The following BICC1 variants were observed in gnomAD, a reference collection of about 807,000 sequenced individuals.
The protein encoded by BICC1 is BicC family RNA binding protein 1.
A neutral mutation model predicts 111.0 loss-of-function variants in BICC1; 43 were observed. The observed-to-expected ratio is 0.39, with a 90% confidence interval of 0.30 to 0.50. The LOEUF (loss-of-function observed/expected upper bound fraction) is 0.50, where lower values mean the gene tolerates loss of function less well. Among genes scored for constraint, BICC1 ranks in the 20% least tolerant of loss-of-function variants. BICC1 has a pLI of 0.88. For missense variants in BICC1, 1,091 were observed against 1,203.2 expected, an observed-to-expected ratio of 0.91 and a Z score of 1.38; for synonymous variants, 467 against 434.4, an observed-to-expected ratio of 1.07 and a Z score of -0.93.
rs763520535 is a variant in BICC1 at position 58,788,375 on chromosome 10, T to G, written c.552T>G (p.Ser184=). ...NNQAEKSNQV[S]IAGQPAGVES... ...GTATTTTCCTCCTCTTATAGGTATC[T>G]ATAGCGGGACAACCAGCAGGAGTAG... The change falls in exon 6 of 21, where the codon TCT becomes TCG. Residue 184 remains serine, a synonymous_variant. Coordinates refer to ENST00000373886, the MANE Select transcript of BICC1 (RefSeq NM_001080512.3). 1.9e-6 allele frequency: 3 copies of G among 1,608,734 alleles called. No individual in the cohort carries two copies. The South Asian group carries it at 3.3e-5, about 18-fold the overall frequency.
intron 2 of BICC1, among the ~76,000 whole-genome samples, chr10:58,685,438 CATT>C (rs989075772): frequency 6.6e-5 from 10 of 152,240 alleles, no homozygotes; most frequent in African/African-American, 2.4e-4. Flanking sequence ...CTTTTTGTCT[CATT>C]GTTGTGTCTA....
chr10:58,783,479 G>A (rs1049001906), intron 3 of BICC1, among the ~76,000 whole-genome samples: 2 of 151,840 alleles, frequency 1.3e-5, no homozygotes, highest in African/African-American at 4.8e-5. Context: ...GTGGGATGGG[G>A]GTGGGAGATC....
At chr10:58,736,067 G>A (rs1564582879) in intron 3 of BICC1, among the ~76,000 whole-genome samples, 1 of 152,188 alleles carries the variant, frequency 6.6e-6, no homozygotes, top group Non-Finnish European at 1.5e-5. Context: ...TGAGAGAGCA[G>A]CAGGACAGAG....
intron 1 of BICC1, among the ~76,000 whole-genome samples, chr10:58,518,592 G>T (rs57256819): frequency 1.4e-3 from 108 of 77,314 alleles, no homozygotes; most frequent in African/African-American, 1.8e-3. Context: ...GTGTGTGTTG[G>T]GGGGGGGGGG....
intron 2 of BICC1, among the ~76,000 whole-genome samples, chr10:58,667,622 TA>T (rs1274671853): frequency 6.6e-6 from 1 of 152,060 alleles, no homozygotes; most frequent in Non-Finnish European, 1.5e-5. Flanking sequence ...TGAAATTGGA[TA>T]AAGGCAAAGG....
chr10:58,565,576 G>A (rs1326729852), intron 1 of BICC1, among the ~76,000 whole-genome samples: 5 of 152,090 alleles, frequency 3.3e-5, no homozygotes, highest in African/African-American at 7.2e-5. Context: ...TGCCCTGGGC[G>A]GACAGTACTA....
At chr10:58,658,719 T>G (rs190948204) in intron 2 of BICC1, among the ~76,000 whole-genome samples, 1 of 152,280 alleles carries the variant, frequency 6.6e-6, no homozygotes, top group Admixed American at 6.5e-5. Flanking sequence ...TTGTTCCAAA[T>G]TTGGCCAGTA....
intron 3 of BICC1, among the ~76,000 whole-genome samples, chr10:58,743,327 C>T (rs1300054663): frequency 6.6e-6 from 1 of 152,002 alleles, no homozygotes; most frequent in African/African-American, 2.4e-5. Flanking sequence ...GTCTGGCTGT[C>T]ACTTTTCTGT....
chr10:58,548,853 T>G (rs1380013834), intron 1 of BICC1, among the ~76,000 whole-genome samples: 1 of 151,958 alleles, frequency 6.6e-6, no homozygotes, highest in African/African-American at 2.4e-5. Flanking sequence ...CTTGTTTTTG[T>G]TTTAGTTTAC....
At chr10:58,553,999 A>C (rs531163951) in intron 1 of BICC1, among the ~76,000 whole-genome samples, 1 of 152,156 alleles carries the variant, frequency 6.6e-6, no homozygotes, top group African/African-American at 2.4e-5. Context: ...GTTTCAATTT[A>C]TACTATTTGG....
chr10:58,591,488 G>A (rs1844617209), intron 1 of BICC1, among the ~76,000 whole-genome samples: 1 of 152,082 alleles, frequency 6.6e-6, no homozygotes, highest in South Asian at 2.1e-4. Context: ...AGGGGCAAAG[G>A]ACCTCTCTAG....
chr10:58,608,814 C>T (rs1390160719), intron 1 of BICC1, among the ~76,000 whole-genome samples: 1 of 152,166 alleles, frequency 6.6e-6, no homozygotes, highest in African/African-American at 2.4e-5. Flanking sequence ...TTTATCTCCT[C>T]TCTCTGTGCC....
At chr10:58,788,240 C>A in intron 5 of BICC1, 130 bp from the exon 6 acceptor site, 1 of 626,748 alleles carries the variant, frequency 1.6e-6, no homozygotes. Context: ...TTATTTTTAA[C>A]AAGCTTCTGG....
intron 19 of BICC1, among the ~76,000 whole-genome samples, chr10:58,820,137 C>T (rs1452975200): frequency 6.6e-6 from 1 of 152,066 alleles, no homozygotes; most frequent in Non-Finnish European, 1.5e-5. Flanking sequence ...CTTTGTGTTT[C>T]CTTTCTTGCT....
At chr10:58,787,114 A>AT (rs907299410) in intron 5 of BICC1, 33 bp downstream of exon 5, 1 of 1,518,194 alleles carries the variant, frequency 6.6e-7, no homozygotes, top group African/African-American at 1.4e-5. Flanking sequence ...CTTTTATGGG[A>AT]TGAATTACAG....
intron 1 of BICC1, among the ~76,000 whole-genome samples, chr10:58,565,321 T>TA (rs1172710566): frequency 1.6e-4 from 25 of 152,218 alleles, no homozygotes; most frequent in African/African-American, 6.0e-4. Context: ...CCCTCATCTC[T>TA]AAAGACTTGC....
At chr10:58,575,305 A>G (rs1447993702) in intron 1 of BICC1, among the ~76,000 whole-genome samples, 1 of 127,096 alleles carries the variant, frequency 7.9e-6, no homozygotes, top group Non-Finnish European at 1.8e-5. Flanking sequence ...AAGAGTATCA[A>G]AGATCCCCGG....
chr10:58,627,037 G>A (rs1832709982), intron 2 of BICC1, among the ~76,000 whole-genome samples: 1 of 152,138 alleles, frequency 6.6e-6, no homozygotes, highest in African/African-American at 2.4e-5. Flanking sequence ...GGGAGGCAGA[G>A]GTTACAGTGA....
intron 2 of BICC1, among the ~76,000 whole-genome samples, chr10:58,669,162 CT>C (rs930399423): frequency 2.1e-3 from 310 of 148,670 alleles, no homozygotes; most frequent in African/African-American, 6.7e-3. Flanking sequence ...AATGACAGTT[CT>C]TTTTTTTTTA....
Sources: gnomAD v4.1 joint callset for allele counts (sites outside exome capture counted in the v4.1 genomes callset) on GRCh38, gnomAD v4.1.1 for gene constraint, MANE v1.5 for transcripts, NCBI Gene and HGNC (gene_info 2026-07-23, HGNC 2026-07-21) for gene names.